The following KANK2 variants were observed in gnomAD, a reference collection of about 807,000 sequenced individuals.
KANK2 encodes the protein KN motif and ankyrin repeat domain-containing protein 2.
Under a neutral mutation model 74.6 loss-of-function variants are expected in KANK2, and 41 were observed. That is an observed-to-expected ratio of 0.55 (90% CI 0.43 to 0.71). The LOEUF (loss-of-function observed/expected upper bound fraction) is 0.71, where lower values mean the gene tolerates loss of function less well. Among genes scored for constraint, KANK2 ranks in the 30% least tolerant of loss-of-function variants. The pLI, the probability that KANK2 is intolerant of heterozygous loss-of-function variation, is 0.00. For synonymous variants in KANK2, 537 were observed against 519.0 expected, an observed-to-expected ratio of 1.03 and a Z score of -0.47; for missense variants, 1,148 against 1,196.4, an observed-to-expected ratio of 0.96 and a Z score of 0.60.
rs747940484 is a variant in KANK2 at position 11,193,620 on chromosome 19, C to T, written c.460G>A (p.Gly154Ser). The change falls in exon 4 of 13, where the codon GGC becomes AGC. Residue 154 changes from glycine (G) to serine (S), a missense_variant. Gly to Ser is a moderately conservative substitution (Grantham distance 56, BLOSUM62 0). Transcript: ENST00000586659. This position sits in a 1 kb window ranked among gnomAD's most constrained non-coding sequence, Gnocchi z 9.6. ...ACGCCCACCAGGGAGGCTGTCGAGC[C>T]GGCCGCACTGGGGGTCAGGGAGCCC... ...GLGSLTPSAAGSTASLVGVGL... is the reference protein window; with the variant it reads ...GLGSLTPSAASSTASLVGVGL... 1.1e-5 allele frequency: 18 copies of T among 1,587,484 alleles called. No homozygotes were observed. The highest frequency in any genetic ancestry group is 1.7e-4 in the Middle Eastern group (1 of 5,912).
intron 4 of KANK2, among the ~76,000 whole-genome samples, chr19:11,180,377 G>A (rs1351643977): frequency 1.3e-5 from 2 of 151,976 alleles, no homozygotes; most frequent in Admixed American, 6.6e-5. Flanking sequence ...TTATAGGCAT[G>A]AGCCACTATG....
At position 11,178,355 on chromosome 19, in the gene KANK2, C is replaced by A. The variant is rs762801793; in HGVS notation, c.1510G>T (p.Val504Phe). 1.4e-5 allele frequency: 21 copies of A among 1,521,182 alleles called. No individual in the cohort carries two copies. The highest frequency in any genetic ancestry group is 1.8e-5 in the Non-Finnish European group (20 of 1,140,354). 94.2% of individuals were successfully genotyped at this position (1,521,182 alleles called of 1,614,324 possible). The part of the protein sequence containing the change: ...AHRRSLQFVG[V>F]NGGYESSSED... ...GTCTTCTCCTCTCACCCGCCGTTGA[C>A]CCCCACGAACTGGAGGCTCCTCCGG... Residue 504 changes from valine to phenylalanine, a missense_variant, in exon 6 of 13, where the codon GTC (valine) becomes TTC (phenylalanine). Physicochemically the swap from Val to Phe is conservative, Grantham distance 50 (BLOSUM62 -1). Transcript: ENST00000586659.
At chr19:11,186,426 G>A (rs975207134) in intron 4 of KANK2, among the ~76,000 whole-genome samples, 3 of 151,790 alleles carry the variant, frequency 2.0e-5, no homozygotes, top group Non-Finnish European at 2.9e-5. Context: ...GCCAGGCGCG[G>A]TGGCTCACGC....
rs1230964787 is a variant in KANK2, at chr19:11,193,051, G to GGCCACC, written c.1023_1028dup (p.Val342_Ala343dup). The stretch of plus-strand genomic sequence containing the variant: ...GTGCGGGGGCGCCAGCGGCTGTGCT[G>GGCCACC]GCCACCACCTCCACCTCCCGTGGCC... On this transcript the variant is annotated inframe_insertion, in exon 4 of 13. Coordinates refer to ENST00000586659, the MANE Select transcript of KANK2 (RefSeq NM_001136191.3). This position sits in a 1 kb window ranked among gnomAD's most constrained non-coding sequence, Gnocchi z 9.6. 1.2e-6 allele frequency: 2 copies of GGCCACC among 1,611,072 alleles called. No homozygotes were observed. The highest frequency in any genetic ancestry group is 1.1e-5 in the South Asian group (1 of 90,934).
intron 12 of KANK2, 73 bp from the exon 13 acceptor site, chr19:11,166,684 G>T (rs1208894752): frequency 2.8e-6 from 4 of 1,440,292 alleles, no homozygotes; most frequent in Non-Finnish European, 3.9e-6. Flanking sequence ...GTGGTGGCTG[G>T]CCTGGTAGAT....
chr19:11,166,610 A>G lies in KANK2; in HGVS notation c.2504T>C (p.Phe835Ser). 6.2e-7 allele frequency: 1 copy of G among 1,614,152 alleles called. No homozygotes were observed. The highest frequency in any genetic ancestry group is 8.5e-7 in the Non-Finnish European group (1 of 1,179,982). Residue 835 changes from phenylalanine (F) to serine (S), a missense_variant and splice_region_variant, in exon 13 of 13, where the codon TTT (phenylalanine) becomes TCT (serine). Phe to Ser is a radical substitution (Grantham distance 155). Coordinates refer to ENST00000586659, the MANE Select transcript of KANK2 (RefSeq NM_001136191.3). Reference sequence around the variant, plus strand: ...GCTCTCGTCATCTGACATTGGGGCAAACTGAAACAGAGAAGCAGAATTCTT... The same window carrying G: ...GCTCTCGTCATCTGACATTGGGGCAGACTGAAACAGAGAAGCAGAATTCTT... ...LYSRMNIKCS[F>S]APMSDDESPT...
chr19:11,169,902 T>C lies in KANK2; in HGVS notation c.2477A>G (p.Tyr826Cys), dbSNP rs765512255. 1 of 1,614,188 alleles carries C rather than the reference T, an allele frequency of 6.2e-7. No homozygotes were observed. The highest frequency in any genetic ancestry group is 8.5e-7 in the Non-Finnish European group (1 of 1,180,016). ...CGAGCACTTGATGTTCATGCGGGAATACAGCATGGACGCAATCTCACTCTG... is the reference window on the plus strand; with the variant it reads ...CGAGCACTTGATGTTCATGCGGGAACACAGCATGGACGCAATCTCACTCTG... ...AGQSEIASMLYSRMNIKCSFA... is the reference protein window; with the variant it reads ...AGQSEIASMLCSRMNIKCSFA... Residue 826 changes from tyrosine to cysteine, a missense_variant, in exon 12 of 13, where the codon TAT (tyrosine) becomes TGT (cysteine). Physicochemically the swap from Tyr to Cys is radical, Grantham distance 194. Coordinates refer to ENST00000586659, the MANE Select transcript of KANK2 (RefSeq NM_001136191.3).
chr19:11,181,001 C>T (rs1032223104), intron 4 of KANK2, among the ~76,000 whole-genome samples: 6 of 145,260 alleles, frequency 4.1e-5, no homozygotes, highest in African/African-American at 1.0e-4. Flanking sequence ...GCAGGACAAT[C>T]GCTTGAACCC....
chr19:11,176,247 G>C (rs1240963622), intron 7 of KANK2, among the ~76,000 whole-genome samples: 1 of 152,148 alleles, frequency 6.6e-6, no homozygotes, highest in Non-Finnish European at 1.5e-5. Context: ...TATTTCCCAA[G>C]GGCAAATTTT....
At chr19:11,175,318 C>T (rs940572149) in intron 8 of KANK2, among the ~76,000 whole-genome samples, 13 of 144,158 alleles carry the variant, frequency 9.0e-5, no homozygotes, top group African/African-American at 3.4e-4. Context: ...GTCCCAGCTA[C>T]TTGGGAGGTT....
intron 4 of KANK2, 195 bp downstream of exon 4, chr19:11,192,636 T>C (rs2147614307): frequency 3.2e-6 from 2 of 626,012 alleles, no homozygotes; most frequent in East Asian, 3.3e-5. Context: ...GGTTTCACCA[T>C]GTTGGCCAGG....
chr19:11,192,437 T>TG, intron 4 of KANK2: 2 of 189,388 alleles, frequency 1.1e-5, no homozygotes, highest in South Asian at 1.0e-4. Flanking sequence ...CATTCTTTTT[T>TG]TTTTTTTTTT....
chr19:11,196,675 G>C (rs1203144948), intron 1 of KANK2: 4 of 152,400 alleles, frequency 2.6e-5, no homozygotes, highest in Non-Finnish European at 5.9e-5. Context: ...GGAAGAGAAA[G>C]GAGACGAGGG....
chr19:11,197,460 C>T (rs1174188698), intron 1 of KANK2, 25 bp downstream of exon 1: 4 of 152,018 alleles, frequency 2.6e-5, no homozygotes, highest in Non-Finnish European at 1.5e-5. Context: ...ACTTGAACCC[C>T]TACCCAGCCC....
At position 11,176,733 on chromosome 19, in the gene KANK2, C is replaced by A; in HGVS notation, c.1605G>T (p.Arg535Ser). 1.9e-6 allele frequency: 3 copies of A among 1,610,298 alleles called. No homozygotes were observed. Among genetic ancestry groups the A allele is most frequent in the Non-Finnish European group, 1.7e-6 (2 of 1,177,816 alleles). The change falls in exon 7 of 13, where the codon AGG becomes AGT. Residue 535 changes from arginine (R) to serine (S), a missense_variant. By Grantham distance (110) the Arg-to-Ser change is moderately radical. Transcript: ENST00000586659. ...CTTCGGCCACACTCGGAACCCTCTC[C>A]CTCGGCTCTGGGGCCTCGTTCTCTG... ...DSTENEAPEP[R>S]ERVPSVAEAP...
At chr19:11,192,131 G>A (rs7249565) in intron 4 of KANK2, among the ~76,000 whole-genome samples, 72,887 of 151,954 alleles carry the variant, frequency 0.48, 18,251 homozygotes, top group African/African-American at 0.62. Context: ...CATCAGTTAC[G>A]TAATAACACA....
chr19:11,167,308 G>A (rs897602514), intron 12 of KANK2, among the ~76,000 whole-genome samples: 2 of 151,900 alleles, frequency 1.3e-5, no homozygotes, highest in African/African-American at 2.4e-5. Flanking sequence ...CAGGTGATCC[G>A]CCCATCTTGG....
rs1195779300 is a variant in KANK2, at chr19:11,164,875, A to T, written c.*1683T>A. On this transcript the variant is annotated 3_prime_UTR_variant, in exon 13 of 13. Coordinates refer to ENST00000586659, the MANE Select transcript of KANK2 (RefSeq NM_001136191.3). ...AGAAACCTACTTTTCTAAGGAGAGAAACCAGTGCTTTGCCTTCTTTAATGA... is the reference window on the plus strand; with the variant it reads ...AGAAACCTACTTTTCTAAGGAGAGATACCAGTGCTTTGCCTTCTTTAATGA... 4 of 152,308 alleles carry T rather than the reference A, an allele frequency of 2.6e-5. No individual in the cohort carries two copies. The East Asian group carries it at 7.7e-4, about 29-fold the overall frequency. 9.4% of individuals were successfully genotyped at this position (152,308 alleles called of 1,614,324 possible). A position where few individuals can be genotyped will look rare whatever the true frequency, so the allele number is the denominator to read the frequency against.
At chr19:11,189,354 C>T (rs971658430) in intron 4 of KANK2, among the ~76,000 whole-genome samples, 5 of 151,866 alleles carry the variant, frequency 3.3e-5, no homozygotes, top group Admixed American at 6.6e-5. Flanking sequence ...GAGATTTCAT[C>T]GCTTGCTCAA....
Sources: allele counts gnomAD v4.1 joint callset (sites outside exome capture counted in the v4.1 genomes callset), GRCh38; gene constraint gnomAD v4.1.1; non-coding constraint Gnocchi (gnomAD v3.1); transcripts MANE v1.5; gene names NCBI Gene and HGNC (gene_info 2026-07-23, HGNC 2026-07-21).